The following RIMS2 variants were observed in gnomAD, a reference collection of about 807,000 sequenced individuals.
The protein encoded by RIMS2 is regulating synaptic membrane exocytosis 2, also known as regulating synaptic membrane exocytosis protein 2.
RIMS2 carries 59 observed loss-of-function variants against 174.4 expected under a neutral mutation model. The observed-to-expected ratio is 0.34, with a 90% CI of 0.27 to 0.42. RIMS2 has a LOEUF of 0.42. Ranked by LOEUF, RIMS2 falls within the 10% of genes least tolerant of loss-of-function variation. The probability of loss-of-function intolerance (pLI) is 1.00; values close to 1 mark genes in which losing one functional copy is unlikely to be tolerated. For missense variants in RIMS2, 1,620 were observed against 1,666.3 expected, an observed-to-expected ratio of 0.97 and a Z score of 0.48; for synonymous variants, 606 against 572.5, an observed-to-expected ratio of 1.06 and a Z score of -0.84.
At chr8:103,535,036 TG>T (rs1839149397) in intron 1 of RIMS2, among the ~76,000 whole-genome samples, 1 of 152,360 alleles carries the variant, frequency 6.6e-6, no homozygotes, top group South Asian at 2.1e-4. Context: ...TCCAGTTTAC[TG>T]TTGCCTCTTT....
upstream of RIMS2, chr8:103,500,703 C>T (rs909961678): frequency 1.9e-6 from 1 of 536,498 alleles, no homozygotes; most frequent in Non-Finnish European, 3.3e-6. Context: ...CCTCCTTCCC[C>T]ACGCGCTCGC....
At chr8:103,541,278 G>A (rs981101916) in intron 1 of RIMS2, among the ~76,000 whole-genome samples, 2 of 152,170 alleles carry the variant, frequency 1.3e-5, no homozygotes, top group African/African-American at 4.8e-5. Flanking sequence ...GTTACAGTAA[G>A]GCCAACAGCC....
chr8:104,062,739 A>G (rs74307466), intron 19 of RIMS2, among the ~76,000 whole-genome samples: 5,479 of 152,118 alleles, frequency 0.036, 164 homozygotes, highest in East Asian at 0.13. Context: ...GAGAGTCCAC[A>G]ATTTGGCTTT....
intron 19 of RIMS2, among the ~76,000 whole-genome samples, chr8:104,188,179 G>T (rs2098978050): frequency 6.6e-6 from 1 of 151,440 alleles, no homozygotes; most frequent in Non-Finnish European, 1.5e-5. Context: ...ATTAGGGAAG[G>T]CGAAGTAGGA....
intron 1 of RIMS2, among the ~76,000 whole-genome samples, chr8:103,611,029 A>G (rs760812471): frequency 4.6e-5 from 7 of 152,032 alleles, no homozygotes; most frequent in Non-Finnish European, 8.8e-5. Context: ...CAGGGATTCA[A>G]TTTCTTCCTG....
intron 1 of RIMS2, among the ~76,000 whole-genome samples, chr8:103,514,912 CAACAACAAAAA>C (rs1249246492): frequency 7.4e-4 from 107 of 145,288 alleles, no homozygotes; most frequent in Non-Finnish European, 1.2e-4. Flanking sequence ...ACAACAACAA[CAACAACAAAAA>C]AACAAAAAAA....
intron 17 of RIMS2, among the ~76,000 whole-genome samples, chr8:104,004,933 G>A (rs1175037758): frequency 3.9e-5 from 6 of 152,294 alleles, no homozygotes; most frequent in African/African-American, 1.4e-4. Context: ...TGAGTAGGAA[G>A]ATTGGTTAGA....
At chr8:103,564,570 C>G (rs773724819) in intron 1 of RIMS2, among the ~76,000 whole-genome samples, 2 of 152,190 alleles carry the variant, frequency 1.3e-5, no homozygotes, top group Non-Finnish European at 2.9e-5. Context: ...TGGCAAACCA[C>G]TGGTGTAAGT....
exon 3 of RIMS2, chr8:103,766,305 T>G (rs1409033985): frequency 6.2e-7 from 1 of 1,613,370 alleles, no homozygotes; most frequent in Admixed American, 1.7e-5. Context: ...TAATAGTGGA[T>G]CTAATACACC....
intron 1 of RIMS2, among the ~76,000 whole-genome samples, chr8:103,691,270 G>A (rs67785072): frequency 0.24 from 36,836 of 151,856 alleles, 4,689 homozygotes; most frequent in African/African-American, 0.26. Context: ...CCCTTCGAAC[G>A]AACTTTTACC....
chr8:104,109,093 C>G (rs1482301620), intron 19 of RIMS2, among the ~76,000 whole-genome samples: 1 of 151,668 alleles, frequency 6.6e-6, no homozygotes, highest in Non-Finnish European at 1.5e-5. Flanking sequence ...GTCAGGAGAT[C>G]GAGACCATCT....
At chr8:104,108,047 T>A (rs2098111356) in intron 19 of RIMS2, among the ~76,000 whole-genome samples, 1 of 150,018 alleles carries the variant, frequency 6.7e-6, no homozygotes, top group African/African-American at 2.5e-5. Context: ...TCATGGCTCA[T>A]ATGTATTCCA....
At chr8:104,114,424 C>T (rs2098246401) in intron 19 of RIMS2, among the ~76,000 whole-genome samples, 6 of 151,768 alleles carry the variant, frequency 4.0e-5, no homozygotes. Flanking sequence ...AAAACATTGT[C>T]AGTTTGTTGT....
At chr8:104,250,499 T>C (rs1272645486) in intron 22 of RIMS2, among the ~76,000 whole-genome samples, 1 of 152,224 alleles carries the variant, frequency 6.6e-6, no homozygotes, top group African/African-American at 2.4e-5. Context: ...AAATGGTTTT[T>C]ATGAAGTGTC....
intron 19 of RIMS2, among the ~76,000 whole-genome samples, chr8:104,145,451 C>T (rs2098628255): frequency 6.6e-6 from 1 of 151,908 alleles, no homozygotes; most frequent in Non-Finnish European, 1.5e-5. Flanking sequence ...AAATTCTTTA[C>T]TCCAAAGTAT....
intron 1 of RIMS2, among the ~76,000 whole-genome samples, chr8:103,593,668 TAA>T (rs2094360498): frequency 6.6e-6 from 1 of 151,582 alleles, no homozygotes; most frequent in African/African-American, 2.4e-5. Flanking sequence ...AGCTAGACCT[TAA>T]GAGTTGTGCA....
At chr8:103,807,137 A>G (rs939545154) in intron 3 of RIMS2, among the ~76,000 whole-genome samples, 3 of 152,128 alleles carry the variant, frequency 2.0e-5, no homozygotes, top group Non-Finnish European at 4.4e-5. Context: ...AGGGTTCACA[A>G]CACAGCCAAA....
At chr8:103,838,806 C>T (rs192963998) in intron 3 of RIMS2, among the ~76,000 whole-genome samples, 1 of 152,294 alleles carries the variant, frequency 6.6e-6, no homozygotes, top group African/African-American at 2.4e-5. Context: ...TGGCTCACGC[C>T]TGTAATCCCA....
intron 19 of RIMS2, among the ~76,000 whole-genome samples, chr8:104,127,735 A>C (rs1052671323): frequency 8.5e-5 from 13 of 152,216 alleles, no homozygotes; most frequent in African/African-American, 2.9e-4. Context: ...ATGGTTGCAA[A>C]AAAAAACAAT....
Sources: allele counts gnomAD v4.1 joint callset (sites outside exome capture counted in the v4.1 genomes callset), GRCh38; gene constraint gnomAD v4.1.1; transcripts MANE v1.5; gene names NCBI Gene and HGNC (gene_info 2026-07-23, HGNC 2026-07-21).